The following RBFOX3 variants were observed in gnomAD, a reference collection of about 807,000 sequenced individuals.
The protein encoded by RBFOX3 is RNA binding protein fox-1 homolog 3.
Under a neutral mutation model 48.7 loss-of-function variants are expected in RBFOX3, and 17 were observed. That is an observed-to-expected ratio of 0.35 (90% confidence interval 0.24 to 0.52). The LOEUF (loss-of-function observed/expected upper bound fraction) is 0.52, where lower values mean the gene tolerates loss of function less well. RBFOX3 is among the 20% of genes least tolerant of loss of function. RBFOX3 has a pLI of 0.94. For synonymous variants in RBFOX3, 212 were observed against 209.5 expected (o/e 1.01, Z -0.10); for missense variants, 382 against 497.5 (o/e 0.77, Z 2.21).
chr17:79,319,413 G>T (rs1478765291), intron 2 of RBFOX3, among the ~76,000 whole-genome samples: 3 of 152,254 alleles, frequency 2.0e-5, no homozygotes, highest in African/African-American at 2.4e-5. Context: ...TCCCACTTGG[G>T]CTGCCGGAGT....
intron 2 of RBFOX3, among the ~76,000 whole-genome samples, chr17:79,411,661 C>G (rs2064364360): frequency 6.6e-6 from 1 of 152,218 alleles, no homozygotes; most frequent in Admixed American, 6.5e-5. Context: ...AGCCTCATTC[C>G]CTTGTATGTC....
At chr17:79,339,697 T>A (rs2081757621) in intron 2 of RBFOX3, among the ~76,000 whole-genome samples, 1 of 152,224 alleles carries the variant, frequency 6.6e-6, no homozygotes, top group Non-Finnish European at 1.5e-5. Flanking sequence ...TGGGAGACGA[T>A]AACTCGGGCT....
intron 4 of RBFOX3, among the ~76,000 whole-genome samples, chr17:79,196,106 A>T (rs1733971145): frequency 6.6e-6 from 1 of 152,196 alleles, no homozygotes; most frequent in Non-Finnish European, 1.5e-5. Context: ...GCTGAAACCC[A>T]GGGTAGAGGA....
intron 1 of RBFOX3, among the ~76,000 whole-genome samples, chr17:79,559,104 C>A (rs2091993362): frequency 6.6e-6 from 1 of 152,148 alleles, no homozygotes; most frequent in Admixed American, 6.5e-5. Context: ...GATGACCTCA[C>A]AATCTAGCAC....
chr17:79,201,038 T>G (rs556784422), intron 4 of RBFOX3, among the ~76,000 whole-genome samples: 1 of 152,042 alleles, frequency 6.6e-6, no homozygotes, highest in African/African-American at 2.4e-5. Flanking sequence ...CCACGACTCC[T>G]TCTCTCCTCT....
At chr17:79,402,593 C>A (rs2062955024) in intron 2 of RBFOX3, among the ~76,000 whole-genome samples, 1 of 152,166 alleles carries the variant, frequency 6.6e-6, no homozygotes, top group Admixed American at 6.5e-5. Context: ...GTGGTGGGGA[C>A]CCCACTGCAC....
chr17:79,101,068 A>T (rs900901149), intron 9 of RBFOX3, among the ~76,000 whole-genome samples: 9 of 152,094 alleles, frequency 5.9e-5, no homozygotes, highest in Non-Finnish European at 8.8e-5. Context: ...TTTGTCATCG[A>T]ACAGCTCTGG....
chr17:79,530,731 G>A (rs1025634806), intron 1 of RBFOX3, among the ~76,000 whole-genome samples: 4 of 152,188 alleles, frequency 2.6e-5, no homozygotes, highest in Admixed American at 2.0e-4. Context: ...AAGCCCAGAC[G>A]GGACAATCAC....
intron 2 of RBFOX3, among the ~76,000 whole-genome samples, chr17:79,354,286 C>T (rs905765170): frequency 6.6e-6 from 1 of 152,190 alleles, no homozygotes; most frequent in Non-Finnish European, 1.5e-5. Context: ...GCGGTGTCAC[C>T]GCCCTAAAGA....
chr17:79,134,744 T>G (rs528775299), intron 4 of RBFOX3, among the ~76,000 whole-genome samples: 17 of 152,134 alleles, frequency 1.1e-4, no homozygotes, highest in African/African-American at 4.1e-4. Flanking sequence ...GAAGAGGCAG[T>G]TCCCCCCTGC....
At chr17:79,351,954 G>A (rs910622212) in intron 2 of RBFOX3, among the ~76,000 whole-genome samples, 2 of 152,158 alleles carry the variant, frequency 1.3e-5, no homozygotes, top group African/African-American at 4.8e-5. Context: ...GTCCCTGTGG[G>A]AAATCAGGAT....
At chr17:79,225,266 A>C (rs1600103281) in intron 4 of RBFOX3, among the ~76,000 whole-genome samples, 1 of 144,094 alleles carries the variant, frequency 6.9e-6, no homozygotes, top group African/African-American at 2.6e-5. Flanking sequence ...TCCCCTCCCC[A>C]GCACTGCTGT....
At chr17:79,620,380 C>T in the RBFOX3 span, among the ~76,000 whole-genome samples, 8 of 149,392 alleles carry the variant, frequency 5.4e-5, no homozygotes, top group Admixed American at 4.8e-4. Flanking sequence ...GACATACACA[C>T]ACATGCACAC....
In RBFOX3 at chr17:79,223,628, G is replaced by A. The variant is rs2059980874; in HGVS notation, c.-34+12138C>T. On this transcript the variant is annotated intron_variant, in intron 4 of 14. Transcript: ENST00000693108. ...CCTCAGGCCAGTGGCGTGAGACATG[G>A]AGAGGATGCGGCATCCTCTGGTCAG... 3.9e-5 allele frequency among the ~76,000 whole-genome samples: 6 copies of A among 152,308 alleles called. No individual in the cohort carries two copies. The South Asian group carries it at 1.2e-3, about 32-fold the overall frequency.
intron 3 of RBFOX3, among the ~76,000 whole-genome samples, chr17:79,255,994 C>G (rs1448813987): frequency 1.3e-5 from 2 of 151,666 alleles, no homozygotes; most frequent in African/African-American, 2.4e-5. Flanking sequence ...AAGCAGCCAT[C>G]CAGAAAATGC....
At chr17:79,305,222 G>T (rs1403736670) in intron 3 of RBFOX3, among the ~76,000 whole-genome samples, 3 of 152,156 alleles carry the variant, frequency 2.0e-5, no homozygotes, top group Non-Finnish European at 4.4e-5. Context: ...TGCCTGTGTG[G>T]GGGGGAAAGG....
chr17:79,428,717 A>T (rs1555726876), intron 2 of RBFOX3, among the ~76,000 whole-genome samples: 1 of 152,202 alleles, frequency 6.6e-6, no homozygotes, highest in African/African-American at 2.4e-5. Context: ...CGTCCCCAGC[A>T]GGACGTGGCC....
At chr17:79,389,573 C>CCT (rs1219077655) in intron 2 of RBFOX3, among the ~76,000 whole-genome samples, 1 of 152,238 alleles carries the variant, frequency 6.6e-6, no homozygotes, top group African/African-American at 2.4e-5. Context: ...CCCACCCTGC[C>CCT]TCGGCCTCAG....
At chr17:79,565,923 C>G (rs2092437446) in intron 1 of RBFOX3, among the ~76,000 whole-genome samples, 2 of 152,166 alleles carry the variant, frequency 1.3e-5, no homozygotes, top group African/African-American at 4.8e-5. Flanking sequence ...CCATCACAGG[C>G]TTGGAGAGCT....
Sources: gnomAD v4.1 joint callset for allele counts (sites outside exome capture counted in the v4.1 genomes callset) on GRCh38, gnomAD v4.1.1 for gene constraint, MANE v1.5 for transcripts, NCBI Gene and HGNC (gene_info 2026-07-23, HGNC 2026-07-21) for gene names.